VPS8: variants seen among roughly 807,000 people sequenced by gnomAD.
VPS8 encodes the protein VPS8 subunit of CORVET complex, also known as vacuolar protein sorting-associated protein 8 homolog.
VPS8 carries 129 observed loss-of-function variants against 216.4 expected under a neutral mutation model. That is an observed-to-expected ratio of 0.60 (90% CI 0.52 to 0.69). The LOEUF (loss-of-function observed/expected upper bound fraction) is 0.69, where lower values mean the gene tolerates loss of function less well. VPS8 is among the 30% of genes least tolerant of loss of function. The pLI, the probability that VPS8 is intolerant of heterozygous loss-of-function variation, is 0.00. For synonymous variants in VPS8, 571 were observed against 565.4 expected (o/e 1.01, Z -0.14); for missense variants, 1,531 against 1,683.5 (o/e 0.91, Z 1.59).
intron 22 of VPS8, among the ~76,000 whole-genome samples, chr3:184,886,610 C>T (rs1219972463): frequency 6.6e-6 from 1 of 151,174 alleles, no homozygotes; most frequent in East Asian, 1.9e-4. Flanking sequence ...GACGGAATCT[C>T]GCCCTGTCAC....
chr3:184,868,929 T>C lies in VPS8; in HGVS notation c.1507-17T>C, dbSNP rs750044436. On this transcript the variant is annotated splice_polypyrimidine_tract_variant and intron_variant, in intron 18 of 47. Coordinates refer to ENST00000625842, the MANE Select transcript of VPS8 (RefSeq NM_001009921.3). ...GTCAGACAAAGGGGCCTGGTTTCTCTCATTTTTCCGTTTTAGAGAGTGGAT... is the reference window on the plus strand; with the variant it reads ...GTCAGACAAAGGGGCCTGGTTTCTCCCATTTTTCCGTTTTAGAGAGTGGAT... 1.3e-6 allele frequency: 2 copies of C among 1,593,584 alleles called. No homozygotes were observed. Among genetic ancestry groups the C allele is most frequent in the Non-Finnish European group, 1.7e-6 (2 of 1,169,810 alleles).
intron 32 of VPS8, among the ~76,000 whole-genome samples, chr3:184,929,275 C>G (rs916715403): frequency 2.0e-5 from 3 of 152,130 alleles, no homozygotes; most frequent in South Asian, 2.1e-4. Flanking sequence ...CTCACTGTAG[C>G]CTTAACCTCC....
chr3:185,004,104 G>A (rs941030595), intron 45 of VPS8, among the ~76,000 whole-genome samples: 15 of 152,192 alleles, frequency 9.9e-5, no homozygotes, highest in African/African-American at 3.1e-4. Flanking sequence ...CTGCAATCTC[G>A]GCACCCCGGG....
chr3:184,988,716 T>C (rs1751475171), intron 42 of VPS8, among the ~76,000 whole-genome samples: 1 of 152,224 alleles, frequency 6.6e-6, no homozygotes, highest in Admixed American at 6.5e-5. Flanking sequence ...TGATTAGGAA[T>C]ACATTGAACT....
intron 45 of VPS8, among the ~76,000 whole-genome samples, chr3:185,009,957 C>T (rs911815453): frequency 6.7e-6 from 1 of 148,332 alleles, no homozygotes; most frequent in Non-Finnish European, 1.5e-5. Flanking sequence ...ACTTATTTAC[C>T]CACTGTGTGA....
chr3:184,957,317 T>G lies in VPS8; in HGVS notation c.3036-57T>G, dbSNP rs114385439. 8 of 1,526,878 alleles carry G rather than the reference T, an allele frequency of 5.2e-6. No individual in the cohort carries two copies. The Admixed American group carries it at 1.2e-4, about 23-fold the overall frequency. The allele number at this position is 1,526,878 out of a possible 1,614,324, so 94.6% of individuals were successfully genotyped here. On this transcript the variant is annotated intron_variant, in intron 36 of 47. Coordinates refer to ENST00000625842, the MANE Select transcript of VPS8 (RefSeq NM_001009921.3). ...GCTTTTTACTGGTAGCTTTTAATTA[T>G]AGATGTGATTAAATAATGCTACAAT...
At chr3:184,868,911 A>G in intron 18 of VPS8, 35 bp from the exon 19 acceptor site, 1 of 1,571,134 alleles carries the variant, frequency 6.4e-7, no homozygotes, top group South Asian at 1.2e-5. Context: ...CTGGTCAGAC[A>G]AAGGGGCCTG....
chr3:184,988,049 A>G (rs939703966), intron 42 of VPS8, among the ~76,000 whole-genome samples: 2 of 152,130 alleles, frequency 1.3e-5, no homozygotes, highest in Non-Finnish European at 1.5e-5. Flanking sequence ...GATTCTTTGT[A>G]TATTTTGGAT....
chr3:184,925,018 C>T (rs186126760), intron 30 of VPS8, 37 bp downstream of exon 30: 1 of 1,586,738 alleles, frequency 6.3e-7, no homozygotes, highest in East Asian at 2.3e-5. Flanking sequence ...AGGTTTTTTC[C>T]TGTTTACTGC....
intron 44 of VPS8, among the ~76,000 whole-genome samples, chr3:184,998,479 TTATATATATATA>T (rs10530534): frequency 1.9e-4 from 26 of 135,002 alleles, no homozygotes; most frequent in African/African-American, 6.4e-4. Flanking sequence ...AAGAGGAAGT[TTATATATATATA>T]TATATATATA....
At chr3:184,820,344 C>T (rs2108486101) in intron 1 of VPS8, among the ~76,000 whole-genome samples, 1 of 152,258 alleles carries the variant, frequency 6.6e-6, no homozygotes, top group Non-Finnish European at 1.5e-5. Context: ...CCGTGTTCAA[C>T]GCCTGTGACA....
rs528583775 is a variant in VPS8, at chr3:185,033,292, T to TG, written c.4056+8904dup. ...ATCCCTGTGCTCCACCTATTTATCC[T>TG]GCCTTCTCCCCAAACTTTCGGTAAC... On this transcript the variant is annotated intron_variant, in intron 46 of 47. Transcript: ENST00000625842. Among the ~76,000 whole-genome samples the TG allele has an allele frequency of 2.0e-5, 3 of 152,342 alleles. No individual in the cohort carries two copies. The South Asian group carries it at 6.2e-4, about 32-fold the overall frequency.
intron 46 of VPS8, among the ~76,000 whole-genome samples, chr3:185,036,026 A>C (rs6767366): frequency 2.0e-5 from 3 of 152,092 alleles, no homozygotes; most frequent in Non-Finnish European, 4.4e-5. Context: ...AAAACAAAAC[A>C]AAACAAAATG....
At chr3:184,872,404 A>G (rs976527037) in intron 21 of VPS8, among the ~76,000 whole-genome samples, 2 of 152,114 alleles carry the variant, frequency 1.3e-5, no homozygotes, top group African/African-American at 4.8e-5. Context: ...AGAATCTCAG[A>G]TACGGGAACT....
chr3:185,012,258 T>C (rs1380538457), intron 45 of VPS8, among the ~76,000 whole-genome samples: 1 of 147,998 alleles, frequency 6.8e-6, no homozygotes, highest in African/African-American at 2.4e-5. Flanking sequence ...ATTTATAAAT[T>C]ATAGATATAT....
At chr3:184,953,427 G>A (rs1745056989) in intron 36 of VPS8, among the ~76,000 whole-genome samples, 1 of 152,178 alleles carries the variant, frequency 6.6e-6, no homozygotes, top group Non-Finnish European at 1.5e-5. Flanking sequence ...GTTGGTTAAG[G>A]AAGCAAGGCT....
intron 40 of VPS8, among the ~76,000 whole-genome samples, chr3:184,972,555 C>T (rs1232461040): frequency 6.6e-6 from 1 of 152,112 alleles, no homozygotes; most frequent in Non-Finnish European, 1.5e-5. Context: ...CAGGCTGCAC[C>T]CCAGATCAAT....
chr3:184,902,661 C>G (rs1734755163), intron 25 of VPS8, among the ~76,000 whole-genome samples: 1 of 151,224 alleles, frequency 6.6e-6, no homozygotes, highest in Non-Finnish European at 1.5e-5. Flanking sequence ...GAAACCCTAT[C>G]TCTACTATAA....
intron 36 of VPS8, 35 bp downstream of exon 36, chr3:184,940,278 A>ATATG (rs10662461): frequency 1.2e-5 from 10 of 808,894 alleles, no homozygotes; most frequent in Non-Finnish European, 1.3e-5. Flanking sequence ...CATTATATAT[A>ATATG]TATATATATA....
Sources: gnomAD v4.1 joint callset for allele counts (sites outside exome capture counted in the v4.1 genomes callset) on GRCh38, gnomAD v4.1.1 for gene constraint, MANE v1.5 for transcripts, NCBI Gene and HGNC (gene_info 2026-07-23, HGNC 2026-07-21) for gene names.